The following XYLT1 variants were observed in gnomAD, a reference collection of about 807,000 sequenced individuals.
XYLT1 encodes the protein xylosyltransferase 1.
In XYLT1, 36 loss-of-function variants were observed where a neutral mutation model predicts 91.3. The observed-to-expected ratio is 0.39, with a 90% CI of 0.30 to 0.52. The LOEUF is 0.52. XYLT1 is among the 20% of genes least tolerant of loss of function. The pLI is 0.68. For missense variants in XYLT1, 1,242 were observed against 1,284.5 expected (o/e 0.97, Z 0.51); for synonymous variants, 588 against 532.0 (o/e 1.11, Z -1.45).
intron 1 of XYLT1, among the ~76,000 whole-genome samples, chr16:17,408,701 C>A (rs1315893893): frequency 6.6e-6 from 1 of 152,154 alleles, no homozygotes; most frequent in African/African-American, 2.4e-5. Flanking sequence ...CAAAAATTAG[C>A]TGGGCGTGCT....
chr16:17,319,590 G>A (rs1449317708), intron 2 of XYLT1, among the ~76,000 whole-genome samples: 1 of 152,008 alleles, frequency 6.6e-6, no homozygotes, highest in African/African-American at 2.4e-5. Context: ...TTACAGGCAA[G>A]CACCACCACG....
chr16:17,376,197 A>T (rs1175683015), intron 1 of XYLT1, among the ~76,000 whole-genome samples: 1 of 152,212 alleles, frequency 6.6e-6, no homozygotes, highest in East Asian at 1.9e-4. Context: ...GTCTAGAGAC[A>T]CGCTTATTTG....
chr16:17,357,166 C>T (rs1222933308), intron 2 of XYLT1, among the ~76,000 whole-genome samples: 1 of 91,712 alleles, frequency 1.1e-5, no homozygotes, highest in Non-Finnish European at 1.9e-5. Context: ...AACAGAGACT[C>T]GGTCTCAAAA....
intron 1 of XYLT1, among the ~76,000 whole-genome samples, chr16:17,411,168 G>A (rs892744994): frequency 6.6e-6 from 1 of 152,128 alleles, no homozygotes; most frequent in African/African-American, 2.4e-5. Context: ...CCCACCTCAT[G>A]GGCCAGTTGT....
At chr16:17,225,360 C>T (rs188602048) in intron 3 of XYLT1, among the ~76,000 whole-genome samples, 2 of 152,172 alleles carry the variant, frequency 1.3e-5, no homozygotes, top group African/African-American at 4.8e-5. Context: ...ATGCAAGGCC[C>T]CTTGTTCAAA....
chr16:17,136,066 TTTCATGGTGGTAGATTA>T (rs2030707005), intron 8 of XYLT1, among the ~76,000 whole-genome samples: 1 of 152,188 alleles, frequency 6.6e-6, no homozygotes, highest in Non-Finnish European at 1.5e-5. Flanking sequence ...CCAGCACTGT[TTTCATGGTGGTAGATTA>T]ATAGCAGCAA....
At chr16:17,253,066 C>T (rs1403473301) in intron 3 of XYLT1, among the ~76,000 whole-genome samples, 1 of 152,196 alleles carries the variant, frequency 6.6e-6, no homozygotes, top group Non-Finnish European at 1.5e-5. Context: ...AGAGGGAAAT[C>T]TGGGTGTCAT....
rs143878310 is a variant in XYLT1 at position 17,315,276 on chromosome 16, CTCCA to C, written c.402+42732_402+42735del. Among the ~76,000 whole-genome samples the C allele has an allele frequency of 4.2e-3, 636 of 152,366 alleles. 23 individuals carry two copies. In the East Asian group the frequency reaches 0.091, roughly 22 times the overall value. On this transcript the variant is annotated intron_variant, in intron 2 of 11. Coordinates refer to ENST00000261381, the MANE Select transcript of XYLT1 (RefSeq NM_022166.4). The stretch of plus-strand genomic sequence containing the variant: ...TTTCCCTCCCTCCAGCTACCCTGGT[CTCCA>C]TCTATCTCCTGCCTTGTGGATGCTC...
At chr16:17,191,002 C>T (rs1435633138) in intron 5 of XYLT1, among the ~76,000 whole-genome samples, 1 of 152,128 alleles carries the variant, frequency 6.6e-6, no homozygotes, top group Non-Finnish European at 1.5e-5. Flanking sequence ...ACGATGTAAA[C>T]AAGCTTGTCC....
At chr16:17,198,855 C>T (rs1216186165) in intron 4 of XYLT1, among the ~76,000 whole-genome samples, 1 of 152,190 alleles carries the variant, frequency 6.6e-6, no homozygotes, top group East Asian at 1.9e-4. Flanking sequence ...AGCAATTCTC[C>T]TGCCTCAGCT....
At chr16:17,335,218 C>CA (rs2034961806) in intron 2 of XYLT1, among the ~76,000 whole-genome samples, 2 of 146,840 alleles carry the variant, frequency 1.4e-5, no homozygotes, top group Non-Finnish European at 3.0e-5. Context: ...GACTCTGTCT[C>CA]AAAAAAACAA....
chr16:17,189,710 A>G (rs1567314903), intron 5 of XYLT1, among the ~76,000 whole-genome samples: 1 of 152,262 alleles, frequency 6.6e-6, no homozygotes, highest in African/African-American at 2.4e-5. Context: ...TGAAATAAGC[A>G]GGTCACCAAA....
At chr16:17,457,949 T>G (rs1338846141) in intron 1 of XYLT1, among the ~76,000 whole-genome samples, 1 of 152,238 alleles carries the variant, frequency 6.6e-6, no homozygotes, top group African/African-American at 2.4e-5. Flanking sequence ...AAAGAATAAC[T>G]TTTTCACATC....
intron 2 of XYLT1, among the ~76,000 whole-genome samples, chr16:17,276,914 G>A (rs1203169879): frequency 6.6e-6 from 1 of 152,168 alleles, no homozygotes; most frequent in East Asian, 1.9e-4. Context: ...GACTTAACCA[G>A]TGCAAAGACA....
At chr16:17,315,030 GTCAAGACTTCATCTGACTCATGATT>G (rs1274916770) in intron 2 of XYLT1, among the ~76,000 whole-genome samples, 1 of 152,196 alleles carries the variant, frequency 6.6e-6, no homozygotes, top group African/African-American at 2.4e-5. Context: ...TATTCGCAGA[GTCAAGACTTCATCTGACTCATGATT>G]TAAAAGAGCA....
At chr16:17,326,094 T>C (rs1302993487) in intron 2 of XYLT1, among the ~76,000 whole-genome samples, 2 of 152,166 alleles carry the variant, frequency 1.3e-5, no homozygotes, top group African/African-American at 4.8e-5. Context: ...CGTGACACCA[T>C]CACCACAATC....
intron 2 of XYLT1, among the ~76,000 whole-genome samples, chr16:17,352,541 C>T (rs1460290367): frequency 6.6e-6 from 1 of 152,194 alleles, no homozygotes; most frequent in Non-Finnish European, 1.5e-5. Context: ...CCCAGACATA[C>T]TACGCAAAAA....
chr16:17,386,381 G>T (rs1364236769), intron 1 of XYLT1, among the ~76,000 whole-genome samples: 1 of 152,146 alleles, frequency 6.6e-6, no homozygotes, highest in African/African-American at 2.4e-5. Flanking sequence ...AGAGCTGGAG[G>T]CGGGGAGGTT....
chr16:17,297,800 T>C (rs765837460), intron 2 of XYLT1, among the ~76,000 whole-genome samples: 334 of 152,190 alleles, frequency 2.2e-3, no homozygotes, highest in Non-Finnish European at 3.7e-3. Flanking sequence ...GGCGGGCAGA[T>C]CATGAGGTCA....
Sources: allele counts gnomAD v4.1 joint callset (sites outside exome capture counted in the v4.1 genomes callset), GRCh38; gene constraint gnomAD v4.1.1; transcripts MANE v1.5; gene names NCBI Gene and HGNC (gene_info 2026-07-23, HGNC 2026-07-21).